Variants in CTNNA2 observed in about 807,000 individuals in gnomAD.
The protein encoded by CTNNA2 is catenin alpha 2, also known as catenin alpha-2.
In CTNNA2, 42 loss-of-function variants were observed where a neutral mutation model predicts 101.0. The observed-to-expected ratio is 0.42, with a 90% CI of 0.32 to 0.54. The LOEUF (loss-of-function observed/expected upper bound fraction) is 0.54. Among genes scored for constraint, CTNNA2 ranks in the 20% least tolerant of loss-of-function variants. The probability of loss-of-function intolerance (pLI) is 0.14; values close to 1 mark genes in which losing one functional copy is unlikely to be tolerated. For synonymous variants in CTNNA2, 450 were observed against 456.4 expected, an observed-to-expected ratio of 0.99 and a Z score of 0.18; for missense variants, 871 against 1,223.1, an observed-to-expected ratio of 0.71 and a Z score of 4.29.
chr2:79,308,134 T>G (rs1676288504), intron 2 of CTNNA2, among the ~76,000 whole-genome samples: 1 of 152,200 alleles, frequency 6.6e-6, no homozygotes, highest in Non-Finnish European at 1.5e-5. Flanking sequence ...AAGCTCAGCT[T>G]CCCAGGTTCA....
intron 7 of CTNNA2, among the ~76,000 whole-genome samples, chr2:80,142,225 C>T (rs578076405): frequency 4.5e-4 from 68 of 152,288 alleles, no homozygotes; most frequent in African/African-American, 1.6e-3. Context: ...ATGACTTTGC[C>T]TGTAATGTCT....
intron 9 of CTNNA2, among the ~76,000 whole-genome samples, chr2:80,422,059 T>C (rs1680571277): frequency 6.6e-6 from 1 of 152,250 alleles, no homozygotes; most frequent in Non-Finnish European, 1.5e-5. Flanking sequence ...TATTAGTCTG[T>C]TCTCATGCTG....
chr2:80,224,696 G>A (rs528361587), intron 7 of CTNNA2, among the ~76,000 whole-genome samples: 12 of 151,912 alleles, frequency 7.9e-5, no homozygotes, highest in African/African-American at 2.7e-4. Context: ...TGCTCACCTC[G>A]GCCTCCCAAA....
At chr2:79,814,638 C>CACACACACACACACACACATATAT (rs145584853) in intron 3 of CTNNA2, among the ~76,000 whole-genome samples, 5 of 146,958 alleles carry the variant, frequency 3.4e-5, no homozygotes, top group African/African-American at 1.3e-4. Context: ...CACACACACA[C>CACACACACACACACACACATATAT]ATATATATAT....
At chr2:79,633,277 A>G (rs1679813286) in intron 1 of CTNNA2, among the ~76,000 whole-genome samples, 1 of 152,200 alleles carries the variant, frequency 6.6e-6, no homozygotes, top group Non-Finnish European at 1.5e-5. Flanking sequence ...ATAGTCACAG[A>G]TAGATGCAAC....
chr2:79,470,787 G>C (rs1268355026), intron 4 of CTNNA2, among the ~76,000 whole-genome samples: 1 of 152,104 alleles, frequency 6.6e-6, no homozygotes, highest in African/African-American at 2.4e-5. Flanking sequence ...CATTGATGTG[G>C]AACACTGTTT....
intron 8 of CTNNA2, among the ~76,000 whole-genome samples, chr2:80,405,354 C>A (rs1678962692): frequency 6.6e-6 from 1 of 152,022 alleles, no homozygotes; most frequent in African/African-American, 2.4e-5. Flanking sequence ...AGTTAGAAAA[C>A]CCTAGTGGGT....
chr2:79,261,159 A>G (rs934510), intron 2 of CTNNA2, among the ~76,000 whole-genome samples: 88,309 of 151,974 alleles, frequency 0.58, 25,938 homozygotes, highest in Non-Finnish European at 0.61. Flanking sequence ...AAGCCTCTCA[A>G]CCATCCACCA....
At chr2:79,766,108 T>C (rs909130470) in intron 3 of CTNNA2, among the ~76,000 whole-genome samples, 2 of 152,168 alleles carry the variant, frequency 1.3e-5, no homozygotes, top group Non-Finnish European at 2.9e-5. Context: ...TGTGTACTTA[T>C]TGTTACCAGT....
chr2:80,035,908 G>C (rs1439268728), intron 7 of CTNNA2, among the ~76,000 whole-genome samples: 2 of 152,190 alleles, frequency 1.3e-5, no homozygotes, highest in Non-Finnish European at 1.5e-5. Context: ...AGAAAACTGT[G>C]TGGGCCAATT....
intron 6 of CTNNA2, among the ~76,000 whole-genome samples, chr2:79,898,572 C>A (rs1033744872): frequency 1.3e-5 from 2 of 152,088 alleles, no homozygotes; most frequent in African/African-American, 4.8e-5. Context: ...CTAACCTGAC[C>A]GAGGAACGGT....
chr2:79,215,567 G>A (rs899536934), intron 2 of CTNNA2, among the ~76,000 whole-genome samples: 104 of 152,236 alleles, frequency 6.8e-4, no homozygotes, highest in African/African-American at 2.2e-3. Context: ...AGAATAAGAC[G>A]ACCTTTTGAC....
At chr2:79,236,184 G>A (rs190800090) in intron 2 of CTNNA2, among the ~76,000 whole-genome samples, 1 of 152,286 alleles carries the variant, frequency 6.6e-6, no homozygotes, top group Admixed American at 6.5e-5. Flanking sequence ...CCAGTCTGGG[G>A]TATAATGGTG....
chr2:79,278,906 G>T (rs1675288461), intron 2 of CTNNA2, among the ~76,000 whole-genome samples: 1 of 152,080 alleles, frequency 6.6e-6, no homozygotes, highest in Non-Finnish European at 1.5e-5. Flanking sequence ...TGGGAAAGGA[G>T]AACAAGAAGA....
chr2:79,775,080 A>C (rs1026189177), intron 3 of CTNNA2, among the ~76,000 whole-genome samples: 1 of 152,162 alleles, frequency 6.6e-6, no homozygotes, highest in Admixed American at 6.6e-5. Flanking sequence ...GAAAGACTAA[A>C]CAATAACAGC....
intron 7 of CTNNA2, among the ~76,000 whole-genome samples, chr2:79,999,336 C>T (rs754687080): frequency 2.6e-5 from 4 of 152,204 alleles, no homozygotes; most frequent in Non-Finnish European, 5.9e-5. Flanking sequence ...CATCTAGCCA[C>T]CATAGTTGTT....
At chr2:80,238,775 T>C (rs1446569099) in intron 7 of CTNNA2, among the ~76,000 whole-genome samples, 1 of 152,118 alleles carries the variant, frequency 6.6e-6, no homozygotes, top group African/African-American at 2.4e-5. Flanking sequence ...TAAAACTGGC[T>C]TCCCCACAGG....
At chr2:80,610,103 C>T (rs1213923950) in intron 17 of CTNNA2, among the ~76,000 whole-genome samples, 2 of 151,682 alleles carry the variant, frequency 1.3e-5, no homozygotes, top group Non-Finnish European at 3.0e-5. Flanking sequence ...GATAATTATT[C>T]TGAGGCAAAT....
intron 7 of CTNNA2, among the ~76,000 whole-genome samples, chr2:80,258,064 G>C (rs970474189): frequency 6.6e-6 from 1 of 152,204 alleles, no homozygotes; most frequent in Non-Finnish European, 1.5e-5. Flanking sequence ...TTCCTGAAGT[G>C]TGTGGTTTTA....
Sources: gnomAD v4.1 joint callset for allele counts (sites outside exome capture counted in the v4.1 genomes callset) on GRCh38, gnomAD v4.1.1 for gene constraint, MANE v1.5 for transcripts, NCBI Gene and HGNC (gene_info 2026-07-23, HGNC 2026-07-21) for gene names.